SMAP1: variants seen among roughly 807,000 people sequenced by gnomAD.
SMAP1 encodes the protein stromal membrane-associated protein 1.
A neutral mutation model predicts 58.5 loss-of-function variants in SMAP1; 24 were observed. The ratio of observed to expected loss-of-function variants is 0.41; its 90% CI spans 0.30 to 0.58. The LOEUF is 0.58. SMAP1 is among the 20% of genes least tolerant of loss of function. The probability of loss-of-function intolerance (pLI) is 0.29; values close to 1 mark genes in which losing one functional copy is unlikely to be tolerated. For synonymous variants in SMAP1, 216 were observed against 196.6 expected (o/e 1.10, Z -0.82); for missense variants, 563 against 566.3 (o/e 0.99, Z 0.06).
chr6:70,691,060 A>G, intron 1 of SMAP1, among the ~76,000 whole-genome samples: 1 of 152,064 alleles, frequency 6.6e-6, no homozygotes, highest in Non-Finnish European at 1.5e-5. Flanking sequence ...GAGAGAGCTC[A>G]TTTCTGTCTT....
chr6:70,847,170 T>A (rs1771024523), intron 7 of SMAP1, among the ~76,000 whole-genome samples: 2 of 152,180 alleles, frequency 1.3e-5, no homozygotes, highest in African/African-American at 4.8e-5. Flanking sequence ...TTACAGTTAA[T>A]AGAGTCATTT....
intron 4 of SMAP1, among the ~76,000 whole-genome samples, chr6:70,774,901 C>T (rs966436596): frequency 6.6e-6 from 1 of 151,208 alleles, no homozygotes; most frequent in Non-Finnish European, 1.5e-5. Context: ...TAATCCCAGC[C>T]ACTTGGGAGG....
intron 1 of SMAP1, chr6:70,668,506 GC>G: frequency 2.0e-6 from 3 of 1,479,992 alleles, no homozygotes; most frequent in Non-Finnish European, 2.7e-6. Context: ...TTAGAGAGTT[GC>G]CCTCCTAGCT....
At chr6:70,828,039 A>AT (rs1460934738) in intron 6 of SMAP1, among the ~76,000 whole-genome samples, 3 of 152,138 alleles carry the variant, frequency 2.0e-5, no homozygotes, top group Admixed American at 1.3e-4. Context: ...TATATGCAAA[A>AT]TTTTTTCTCA....
chr6:70,692,940 T>C (rs969732070), intron 1 of SMAP1, among the ~76,000 whole-genome samples: 3 of 151,904 alleles, frequency 2.0e-5, no homozygotes, highest in Non-Finnish European at 2.9e-5. Flanking sequence ...CCCACTACCA[T>C]GCCCGGCTAA....
intron 1 of SMAP1, among the ~76,000 whole-genome samples, chr6:70,714,711 CAAAAA>C (rs201713720): frequency 6.6e-6 from 1 of 151,064 alleles, no homozygotes; most frequent in Admixed American, 6.6e-5. Flanking sequence ...GTATAAAAAA[CAAAAA>C]AAACATTATG....
chr6:70,792,796 T>C (rs901829347), intron 5 of SMAP1, among the ~76,000 whole-genome samples: 7 of 152,102 alleles, frequency 4.6e-5, no homozygotes, highest in Non-Finnish European at 7.4e-5. Context: ...TGAAGGAGTT[T>C]GATTCTGAAG....
At chr6:70,670,577 GAT>G (rs1286183250) in intron 1 of SMAP1, among the ~76,000 whole-genome samples, 2 of 152,252 alleles carry the variant, frequency 1.3e-5, no homozygotes, top group Non-Finnish European at 2.9e-5. Context: ...ACTTTTAAAA[GAT>G]ATGTTAAAGG....
intron 4 of SMAP1, among the ~76,000 whole-genome samples, chr6:70,790,811 A>G (rs924640479): frequency 2.0e-5 from 3 of 152,208 alleles, no homozygotes; most frequent in Non-Finnish European, 4.4e-5. Context: ...CATAGGCACT[A>G]TTGATATGAT....
In SMAP1 at chr6:70,861,573, A is replaced by C. The variant is rs375949827; in HGVS notation, c.*1239A>C. On this transcript the variant is annotated 3_prime_UTR_variant, in exon 11 of 11. Coordinates refer to ENST00000370455, the MANE Select transcript of SMAP1 (RefSeq NM_001044305.3). ...GCTGCTGTACTGAAGTAAAACAAACAATACCTGAATGCTCTGTAGCCTAAA... is the reference window on the plus strand; with the variant it reads ...GCTGCTGTACTGAAGTAAAACAAACCATACCTGAATGCTCTGTAGCCTAAA... The C allele has an allele frequency of 8.3e-7, 1 of 1,203,406 alleles. No homozygotes were observed. 74.5% of individuals were successfully genotyped at this position (1,203,406 alleles called of 1,614,324 possible).
chr6:70,850,671 A>C (rs1389395569), intron 7 of SMAP1, among the ~76,000 whole-genome samples: 1 of 152,098 alleles, frequency 6.6e-6, no homozygotes, highest in Non-Finnish European at 1.5e-5. Flanking sequence ...TCTGTAGCTC[A>C]TGAGTTAAAT....
chr6:70,696,203 A>G (rs535189924), intron 1 of SMAP1, among the ~76,000 whole-genome samples: 85 of 152,152 alleles, frequency 5.6e-4, no homozygotes, highest in African/African-American at 2.0e-3. Context: ...TTCAAAAAAA[A>G]CAGCATTTTG....
chr6:70,675,200 T>TG (rs1766430230), intron 1 of SMAP1, among the ~76,000 whole-genome samples: 2 of 5,152 alleles, frequency 3.9e-4, no homozygotes, highest in African/African-American at 2.8e-3. Flanking sequence ...TATATAGTGT[T>TG]TTTTTTTTTT....
At chr6:70,668,546 C>T in intron 1 of SMAP1, 1 of 1,527,402 alleles carries the variant, frequency 6.5e-7, no homozygotes, top group South Asian at 1.2e-5. Flanking sequence ...GTGGGTGGGG[C>T]CGCGCTTAGG....
At chr6:70,668,623 TC>T (rs776673157) in intron 1 of SMAP1, 1 of 1,535,030 alleles carries the variant, frequency 6.5e-7, no homozygotes, top group Non-Finnish European at 8.7e-7. Context: ...ATTCTTGGTC[TC>T]CTAGATGGAG....
chr6:70,785,132 A>G (rs1284110907), intron 4 of SMAP1, among the ~76,000 whole-genome samples: 1 of 152,234 alleles, frequency 6.6e-6, no homozygotes, highest in Non-Finnish European at 1.5e-5. Flanking sequence ...TCAAACTAGA[A>G]CTCAGGATTA....
intron 6 of SMAP1, among the ~76,000 whole-genome samples, chr6:70,808,669 A>G (rs953079476): frequency 3.9e-5 from 6 of 152,186 alleles, no homozygotes; most frequent in Non-Finnish European, 5.9e-5. Flanking sequence ...TGTTTCGCCT[A>G]TTGAACATAG....
chr6:70,683,179 T>A (rs940635761), intron 1 of SMAP1, among the ~76,000 whole-genome samples: 1 of 147,674 alleles, frequency 6.8e-6, no homozygotes, highest in Non-Finnish European at 1.5e-5. Context: ...TTTTTTTTTT[T>A]TTTTTTCTTG....
At position 70,823,488 on chromosome 6, in the gene SMAP1, G is replaced by A. The variant is rs1008430145; in HGVS notation, c.577-13453G>A. Among the ~76,000 whole-genome samples the A allele has an allele frequency of 3.9e-5, 6 of 152,180 alleles. No homozygotes were observed. The East Asian group carries it at 1.2e-3, about 29-fold the overall frequency. ...GTAAAATAGTTTCTCTTCAGGGCAG[G>A]CCTTGTTAAAAAGAACAGAATGTTC... is the stretch of plus-strand genomic sequence containing the variant. On this transcript the variant is annotated intron_variant, in intron 6 of 10. Transcript: ENST00000370455.
Sources: gnomAD v4.1 joint callset for allele counts (sites outside exome capture counted in the v4.1 genomes callset) on GRCh38, gnomAD v4.1.1 for gene constraint, MANE v1.5 for transcripts, NCBI Gene and HGNC (gene_info 2026-07-23, HGNC 2026-07-21) for gene names.